Variants in TUT4 observed in about 807,000 individuals in gnomAD.
The protein encoded by TUT4 is terminal uridylyl transferase 4, also known as terminal uridylyltransferase 4.
TUT4 carries 36 observed loss-of-function variants against 192.2 expected under a neutral mutation model. That is an observed-to-expected ratio of 0.19 (90% CI 0.14 to 0.25). The LOEUF (loss-of-function observed/expected upper bound fraction) is 0.25, where lower values mean the gene tolerates loss of function less well. TUT4 is among the 10% of genes least tolerant of loss of function. TUT4 has a pLI of 1.00. For synonymous variants in TUT4, 618 were observed against 666.0 expected (o/e 0.93, Z 1.11); for missense variants, 1,493 against 1,957.2 (o/e 0.76, Z 4.47).
intron 1 of TUT4, among the ~76,000 whole-genome samples, chr1:52,535,702 C>T (rs1420476190): frequency 1.3e-5 from 2 of 152,110 alleles, no homozygotes; most frequent in Non-Finnish European, 2.9e-5. Context: ...AAACTTTAAG[C>T]AGCGTAAACT....
chr1:52,475,675 A>G lies in TUT4; in HGVS notation c.2024-140T>C, dbSNP rs538364739. The G allele has an allele frequency of 2.9e-5, 21 of 718,488 alleles. No individual in the cohort carries two copies. In the East Asian group the frequency reaches 5.3e-4, roughly 18 times the overall value. The allele number at this position is 718,488 out of a possible 1,614,324, so 44.5% of individuals were successfully genotyped here. ...GTTTTTCTAAGCTAGACTCCCAGTG[A>G]AAGTTCCTGAAAATGGGAGGAAATA... On this transcript the variant is annotated intron_variant, in intron 12 of 29. Coordinates refer to ENST00000257177, the MANE Select transcript of TUT4 (RefSeq NM_001009881.3).
intron 15 of TUT4, among the ~76,000 whole-genome samples, chr1:52,465,743 A>C (rs1211286742): frequency 6.6e-6 from 1 of 152,238 alleles, no homozygotes; most frequent in Non-Finnish European, 1.5e-5. Flanking sequence ...ATGCTCTTCC[A>C]AAAATGAGTG....
rs373246223 is a variant in TUT4, at chr1:52,461,878, TATA to T, written c.3070-112_3070-110del. On this transcript the variant is annotated intron_variant, in intron 16 of 29. Coordinates refer to ENST00000257177, the MANE Select transcript of TUT4 (RefSeq NM_001009881.3). ...TTTACAATTTCCAGCCATAAAGCTC[TATA>T]ATAACCTTGCTACTCCAAGTAAGTG... is the stretch of plus-strand genomic sequence containing the variant. 961 of 658,076 alleles carry T rather than the reference TATA, an allele frequency of 1.5e-3. 2 individuals carry two copies. The African/African-American group carries it at 0.016, about 11-fold the overall frequency. The allele number at this position is 658,076 out of a possible 1,614,324, so 40.8% of individuals were successfully genotyped here.
chr1:52,464,290 C>G (rs1663460690), intron 16 of TUT4, among the ~76,000 whole-genome samples: 1 of 151,976 alleles, frequency 6.6e-6, no homozygotes, highest in African/African-American at 2.4e-5. Context: ...GAGTCTCACT[C>G]TGTCACCAGG....
intron 7 of TUT4, among the ~76,000 whole-genome samples, chr1:52,491,561 G>T (rs1276372568): frequency 1.8e-4 from 28 of 152,038 alleles, no homozygotes; most frequent in Admixed American, 1.8e-3. Context: ...GGTGGCACGC[G>T]CCTGTAATCC....
At chr1:52,474,705 T>C (rs548874541) in intron 13 of TUT4, 127 bp downstream of exon 13, 1 of 815,228 alleles carries the variant, frequency 1.2e-6, no homozygotes, top group East Asian at 2.7e-5. Context: ...GTAAAATACA[T>C]ACCAAAATAT....
rs1485070144 is a variant in TUT4, at chr1:52,446,375, C to T, written c.3581G>A (p.Arg1194His). ...SLGELWLGLL[R>H]FYTEEFDFKE... ...GAAATCAAACTCTTCAGTATAGAAACGAAGCAGTCCCAGCCAAAGCTCCCC... is the reference window on the plus strand; with the variant it reads ...GAAATCAAACTCTTCAGTATAGAAATGAAGCAGTCCCAGCCAAAGCTCCCC... Residue 1194 changes from arginine to histidine, a missense_variant, in exon 22 of 30, where the codon CGT becomes CAT. This residue lies in a region of TUT4 where 141 missense variants were observed against 382.7 expected (regional missense o/e 0.37). Transcript: ENST00000257177. 1.2e-6 allele frequency: 2 copies of T among 1,613,586 alleles called. No individual in the cohort carries two copies. The highest frequency in any genetic ancestry group is 1.7e-6 in the Non-Finnish European group (2 of 1,179,856).
chr1:52,444,466 A>C (rs1330552319), intron 24 of TUT4, among the ~76,000 whole-genome samples: 1 of 152,002 alleles, frequency 6.6e-6, no homozygotes, highest in Non-Finnish European at 1.5e-5. Context: ...AACTGGACTG[A>C]ACAAGTTCAA....
At chr1:52,512,885 G>A (rs1162612911) in intron 3 of TUT4, among the ~76,000 whole-genome samples, 1 of 148,764 alleles carries the variant, frequency 6.7e-6, no homozygotes, top group Non-Finnish European at 1.5e-5. Context: ...CTGAACTAAA[G>A]GACCTGAAGA....
intron 2 of TUT4, among the ~76,000 whole-genome samples, chr1:52,519,355 G>C (rs911245692): frequency 5.9e-5 from 9 of 152,104 alleles, no homozygotes; most frequent in Admixed American, 3.9e-4. Context: ...GTTGTCAGTG[G>C]GGAGGAGGAG....
At chr1:52,464,593 T>A (rs1663574529) in intron 16 of TUT4, among the ~76,000 whole-genome samples, 2 of 152,060 alleles carry the variant, frequency 1.3e-5, no homozygotes, top group South Asian at 4.1e-4. Flanking sequence ...ATGGAAAAAA[T>A]TTTATGTGAG....
At chr1:52,456,065 A>C (rs990401442) in intron 20 of TUT4, among the ~76,000 whole-genome samples, 1 of 152,238 alleles carries the variant, frequency 6.6e-6, no homozygotes, top group African/African-American at 2.4e-5. Flanking sequence ...ATGTGAATGA[A>C]TAAACTGTGG....
intron 1 of TUT4, among the ~76,000 whole-genome samples, chr1:52,547,062 T>C (rs2149748785): frequency 6.6e-6 from 1 of 151,276 alleles, no homozygotes; most frequent in East Asian, 1.9e-4. Context: ...GAGGATCGCT[T>C]GAGGCCCAGG....
intron 1 of TUT4, among the ~76,000 whole-genome samples, chr1:52,548,049 AT>A (rs1367081480): frequency 6.6e-6 from 1 of 152,178 alleles, no homozygotes; most frequent in East Asian, 1.9e-4. Context: ...ACTATTACAC[AT>A]TACATTAGCC....
chr1:52,538,686 A>G (rs1685656279), intron 1 of TUT4: 1 of 151,922 alleles, frequency 6.6e-6, no homozygotes, highest in African/African-American at 2.4e-5. Flanking sequence ...AAAAAAGAAA[A>G]ATGAAAAAGA....
intron 4 of TUT4, among the ~76,000 whole-genome samples, chr1:52,502,221 C>T (rs1318674041): frequency 6.6e-6 from 1 of 151,874 alleles, no homozygotes. Context: ...GCATTTTGGT[C>T]TCAATTTGCA....
chr1:52,549,479 T>A (rs574953773), intron 1 of TUT4, among the ~76,000 whole-genome samples: 1 of 152,232 alleles, frequency 6.6e-6, no homozygotes, highest in East Asian at 1.9e-4. Context: ...TACTCACCCT[T>A]CAAGAGCTAG....
intron 28 of TUT4, among the ~76,000 whole-genome samples, chr1:52,427,170 AACAG>A (rs1170843339): frequency 6.6e-6 from 1 of 152,164 alleles, no homozygotes; most frequent in Non-Finnish European, 1.5e-5. Context: ...CAGATGAGTA[AACAG>A]ACAATTTCAG....
intron 4 of TUT4, among the ~76,000 whole-genome samples, 187 bp downstream of exon 4, chr1:52,509,409 C>T (rs951364512): frequency 3.9e-5 from 6 of 152,282 alleles, no homozygotes; most frequent in Non-Finnish European, 8.8e-5. Flanking sequence ...ATGAGCAAAC[C>T]GGTCTCAACA....
Sources: gnomAD v4.1 joint callset for allele counts (sites outside exome capture counted in the v4.1 genomes callset) on GRCh38, gnomAD v4.1.1 for gene constraint, gnomAD v4.1.1 regional missense constraint, MANE v1.5 for transcripts, NCBI Gene and HGNC (gene_info 2026-07-23, HGNC 2026-07-21) for gene names.